Variants in IYD observed in about 807,000 individuals in gnomAD.
IYD encodes iodotyrosine deiodinase 1.
Under a neutral mutation model 28.4 loss-of-function variants are expected in IYD, and 25 were observed. That is an observed-to-expected ratio of 0.88 (90% CI 0.64 to 1.23). The LOEUF is 1.23. IYD is among the 50% of genes most tolerant of loss of function. The pLI is 0.00. For synonymous variants in IYD, 140 were observed against 130.8 expected (o/e 1.07, Z -0.48); for missense variants, 352 against 357.9 (o/e 0.98, Z 0.13).
chr6:150,380,857 C>T lies in IYD; in HGVS notation c.179-8495C>T, dbSNP rs961269750. Among the ~76,000 whole-genome samples the T allele has an allele frequency of 2.6e-5, 4 of 152,172 alleles. No individual in the cohort carries two copies. In the East Asian group the frequency reaches 5.8e-4, roughly 22 times the overall value. ...AGGTCTTTTGAGCCACTGTCATAGG[C>T]CTCCCTTTGGGCTCCCCTCCCCAAA... On this transcript the variant is annotated intron_variant, in intron 1 of 4. Transcript: ENST00000344419.
At chr6:150,377,052 T>A (rs1777469884) in intron 1 of IYD, among the ~76,000 whole-genome samples, 1 of 152,012 alleles carries the variant, frequency 6.6e-6, no homozygotes, top group African/African-American at 2.4e-5. Context: ...GACCTGGAGG[T>A]GCTTCTTCAG....
Position 150,402,332 on chromosome 6 carries a change from C to T in IYD, c.*4095C>T, listed in dbSNP as rs1778535104. The T allele has an allele frequency of 6.6e-6, 1 of 152,152 alleles. No individual in the cohort carries two copies. The allele number at this position is 152,152 out of a possible 1,614,324, so 9.4% of individuals were successfully genotyped here. On this transcript the variant is annotated 3_prime_UTR_variant, in exon 5 of 5. Transcript: ENST00000344419. ...CCATCGTACCTTGGCCTAGGAGTGA[C>T]CTCCTCAGTCTCACAACCCTTTGGC...
At chr6:150,392,612 T>G in intron 3 of IYD, 108 bp downstream of exon 3, 1 of 1,169,996 alleles carries the variant, frequency 8.5e-7, no homozygotes, top group Non-Finnish European at 1.3e-6. Flanking sequence ...CTTGATTCTA[T>G]TCTGCCTCTT....
intron 1 of IYD, among the ~76,000 whole-genome samples, chr6:150,381,711 C>G (rs670292): frequency 0.4 from 60,728 of 152,042 alleles, 13,625 homozygotes; most frequent in Non-Finnish European, 0.52. Flanking sequence ...TCTTACACAA[C>G]TAAACATTCC....
Position 150,398,253 on chromosome 6 carries a change from G to A in IYD, c.*16G>A, listed in dbSNP as rs781585023. The A allele has an allele frequency of 1.2e-6, 2 of 1,613,262 alleles. No homozygotes were observed. Among genetic ancestry groups the A allele is most frequent in the Non-Finnish European group, 1.7e-6 (2 of 1,179,478 alleles). ...GACAGTGTAGGCAGGGCCCCCCAAG[G>A]GAGTGGCAGGGAGATGGCGCCCCTG... On this transcript the variant is annotated 3_prime_UTR_variant, in exon 5 of 5. Coordinates refer to ENST00000344419, the MANE Select transcript of IYD (RefSeq NM_203395.3).
chr6:150,377,487 A>G (rs970839626), intron 1 of IYD, among the ~76,000 whole-genome samples: 7 of 152,194 alleles, frequency 4.6e-5, no homozygotes, highest in Non-Finnish European at 1.0e-4. Context: ...CCGGCTGTGC[A>G]CTGCTCCGAG....
rs1474063601 is a variant in IYD at position 150,400,080 on chromosome 6, G to T, written c.*1843G>T. On this transcript the variant is annotated 3_prime_UTR_variant, in exon 5 of 5. Coordinates refer to ENST00000344419, the MANE Select transcript of IYD (RefSeq NM_203395.3). ...AGGCAGCCCTGCTTGGGATTCAGGT[G>T]AACAAATGTAACGTGGGTGGGTGAG... is the stretch of plus-strand genomic sequence containing the variant. 6.6e-6 allele frequency: 1 copy of T among 152,214 alleles called. No homozygotes were observed. Among genetic ancestry groups the T allele is most frequent in the Non-Finnish European group, 1.5e-5 (1 of 68,072 alleles). 9.4% of individuals were successfully genotyped at this position (152,214 alleles called of 1,614,324 possible).
At chr6:150,378,740 T>C (rs1582776056) in intron 1 of IYD, among the ~76,000 whole-genome samples, 1 of 152,220 alleles carries the variant, frequency 6.6e-6, no homozygotes, top group African/African-American at 2.4e-5. Context: ...TGGCGATTCC[T>C]CAGGGATCTA....
At chr6:150,396,604 G>A (rs1778321279) in intron 4 of IYD, 7 of 579,212 alleles carry the variant, frequency 1.2e-5, no homozygotes, top group Admixed American at 8.6e-5. Flanking sequence ...GCCAGGTGCG[G>A]TGGCTCACGC....
chr6:150,387,683 C>A (rs1777927801), intron 1 of IYD, among the ~76,000 whole-genome samples: 1 of 151,980 alleles, frequency 6.6e-6, no homozygotes, highest in Non-Finnish European at 1.5e-5. Context: ...TTCTGACTTA[C>A]CTCCCAGTTC....
chr6:150,370,179 G>A (rs527675968), intron 1 of IYD, among the ~76,000 whole-genome samples: 1 of 152,180 alleles, frequency 6.6e-6, no homozygotes, highest in East Asian at 1.9e-4. Context: ...GAGTGTATGT[G>A]TGTGAGAGTG....
At chr6:150,382,432 G>A (rs565670364) in intron 1 of IYD, among the ~76,000 whole-genome samples, 1 of 152,190 alleles carries the variant, frequency 6.6e-6, no homozygotes, top group South Asian at 2.1e-4. Context: ...GAGACATGTA[G>A]GGTATACCTC....
chr6:150,388,705 CTTTT>C (rs34498269), intron 1 of IYD, among the ~76,000 whole-genome samples: 1 of 92,718 alleles, frequency 1.1e-5, no homozygotes, highest in East Asian at 3.3e-4. Flanking sequence ...CTTCCTTTCT[CTTTT>C]TTTTTTTTTT....
In IYD at chr6:150,395,138, G is replaced by A. The variant is rs1556881; in HGVS notation, c.687+883G>A. Among the ~76,000 whole-genome samples, 23,029 of 152,148 alleles carry A rather than the reference G, an allele frequency of 0.15. 3,448 individuals are homozygous for A. The highest frequency in any genetic ancestry group is 0.37 in the African/African-American group (15,371 of 41,464). ...TGCCTGGCCTCTGAGCTCCTTCTAC[G>A]TGGCAGTTCCTGGGAGCCACTGGGG... On this transcript the variant is annotated intron_variant, in intron 4 of 4. Coordinates refer to ENST00000344419, the MANE Select transcript of IYD (RefSeq NM_203395.3).
rs898035540 is a variant in IYD, at chr6:150,389,711, C to G, written c.370+168C>G. ...GTGAGTGCCAGAAACACAATGACTT[C>G]TACTTTCCACATTTTGACTATTACA... On this transcript the variant is annotated intron_variant, in intron 2 of 4. Coordinates refer to ENST00000344419, the MANE Select transcript of IYD (RefSeq NM_203395.3). 7 of 638,218 alleles carry G rather than the reference C, an allele frequency of 1.1e-5. No homozygotes were observed. The East Asian group carries it at 1.7e-4, about 15-fold the overall frequency. 39.5% of individuals were successfully genotyped at this position (638,218 alleles called of 1,614,324 possible).
At position 150,405,206 on chromosome 6, in the gene IYD, T is replaced by G. The variant is rs1778611358; in HGVS notation, c.*6969T>G. ...CATCAGTCCCAGGGCTGTTAGCACC[T>G]TCCATCTGCCAGGCCCTCCCTGGTC... On this transcript the variant is annotated 3_prime_UTR_variant, in exon 5 of 5. Transcript: ENST00000344419. 1.3e-5 allele frequency: 2 copies of G among 152,220 alleles called. No homozygotes were observed. The highest frequency in any genetic ancestry group is 1.3e-4 in the Admixed American group (2 of 15,274). The allele number at this position is 152,220 out of a possible 1,614,324, so 9.4% of individuals were successfully genotyped here. A position where few individuals can be genotyped will look rare whatever the true frequency, so the allele number is the denominator to read the frequency against.
In IYD at chr6:150,402,773, G is replaced by T. The variant is rs755773743; in HGVS notation, c.*4536G>T. The T allele has an allele frequency of 6.6e-6, 1 of 152,212 alleles. No individual in the cohort carries two copies. The highest frequency in any genetic ancestry group is 1.5e-5 in the Non-Finnish European group (1 of 68,046). The allele number at this position is 152,212 out of a possible 1,614,324, so 9.4% of individuals were successfully genotyped here. A position where few individuals can be genotyped will look rare whatever the true frequency, so the allele number is the denominator to read the frequency against. On this transcript the variant is annotated 3_prime_UTR_variant, in exon 5 of 5. Transcript: ENST00000344419. The stretch of plus-strand genomic sequence containing the variant: ...TTCCATCAAGGAGTACTGGAGGACA[G>T]TTCAGTATTTCTTCTTATTTGCTCC...
intron 4 of IYD, chr6:150,395,522 G>A: frequency 6.5e-7 from 1 of 1,537,350 alleles, no homozygotes. Context: ...GGTCCTGGAA[G>A]AAGCAGCGAA....
intron 3 of IYD, 65 bp downstream of exon 3, chr6:150,392,569 C>G: frequency 6.7e-7 from 1 of 1,489,078 alleles, no homozygotes. Context: ...ACCACCACCA[C>G]CATGTCCTGG....
Sources: gnomAD v4.1 joint callset for allele counts (sites outside exome capture counted in the v4.1 genomes callset) on GRCh38, gnomAD v4.1.1 for gene constraint, MANE v1.5 for transcripts, NCBI Gene and HGNC (gene_info 2026-07-23, HGNC 2026-07-21) for gene names.